Variants in DPP10 observed in about 807,000 individuals in gnomAD.
DPP10 encodes the protein dipeptidyl peptidase like 10.
DPP10 carries 33 observed loss-of-function variants against 120.9 expected under a neutral mutation model. The ratio of observed to expected loss-of-function variants is 0.27; its 90% CI spans 0.21 to 0.37. The LOEUF is 0.37. Ranked by LOEUF, DPP10 falls within the 10% of genes least tolerant of loss-of-function variation. The pLI is 1.00. For missense variants in DPP10, 816 were observed against 942.8 expected (o/e 0.87, Z 1.76); for synonymous variants, 337 against 326.1 (o/e 1.03, Z -0.36).
In DPP10 at chr2:115,692,992, C is replaced by A. The variant is rs1219243593; in HGVS notation, c.576+3071C>A. Among the ~76,000 whole-genome samples the A allele has an allele frequency of 2.6e-5, 4 of 152,050 alleles. No individual in the cohort carries two copies. The East Asian group carries it at 7.7e-4, about 29-fold the overall frequency. ...ATATTCAAAGAAATCCTACAAACAA[C>A]CCTGCATTCACTGTCCTTTCCACAC... On this transcript the variant is annotated intron_variant, in intron 7 of 25. Coordinates refer to ENST00000410059, the MANE Select transcript of DPP10 (RefSeq NM_020868.6).
chr2:115,786,867 A>C (rs1446604286), intron 17 of DPP10, among the ~76,000 whole-genome samples: 3 of 152,200 alleles, frequency 2.0e-5, no homozygotes, highest in African/African-American at 7.2e-5. Context: ...ATAGGGCTGG[A>C]AGAGGGATCA....
intron 1 of DPP10, among the ~76,000 whole-genome samples, chr2:114,899,636 C>G (rs1693372283): frequency 6.7e-6 from 1 of 148,178 alleles, no homozygotes; most frequent in African/African-American, 2.5e-5. Context: ...CTAATTTTTT[C>G]TTTAACTTAA....
chr2:114,532,017 G>A (rs1361082918), intron 1 of DPP10, among the ~76,000 whole-genome samples: 2 of 151,762 alleles, frequency 1.3e-5, no homozygotes, highest in African/African-American at 2.4e-5. Context: ...CTGAGGAAGG[G>A]AGAATTTGCT....
intron 1 of DPP10, among the ~76,000 whole-genome samples, chr2:115,303,132 C>A (rs568360164): frequency 6.6e-6 from 1 of 151,902 alleles, no homozygotes; most frequent in East Asian, 1.9e-4. Context: ...ACATTTATTT[C>A]TTTAAATTGA....
intron 1 of DPP10, among the ~76,000 whole-genome samples, chr2:114,575,896 C>T (rs562824294): frequency 6.6e-6 from 1 of 152,220 alleles, no homozygotes; most frequent in East Asian, 1.9e-4. Flanking sequence ...CTTATTCTGC[C>T]TCCAGACAAT....
At chr2:114,759,517 G>A (rs1680091757) in intron 1 of DPP10, among the ~76,000 whole-genome samples, 1 of 148,450 alleles carries the variant, frequency 6.7e-6, no homozygotes, top group African/African-American at 2.5e-5. Flanking sequence ...CCCTCCTGCT[G>A]TCTCTTGGTG....
intron 1 of DPP10, among the ~76,000 whole-genome samples, chr2:115,066,150 C>T (rs1265860265): frequency 6.6e-6 from 1 of 152,070 alleles, no homozygotes; most frequent in Non-Finnish European, 1.5e-5. Context: ...TTATCTTAGT[C>T]TTATCTAGAA....
chr2:115,414,661 T>G (rs930209553), intron 3 of DPP10, among the ~76,000 whole-genome samples: 3 of 152,166 alleles, frequency 2.0e-5, no homozygotes, highest in Admixed American at 6.5e-5. Flanking sequence ...TTGAGTAATA[T>G]CTGAAGTTGT....
intron 21 of DPP10, among the ~76,000 whole-genome samples, chr2:115,824,941 A>G (rs912889799): frequency 6.6e-6 from 1 of 152,146 alleles, no homozygotes; most frequent in Non-Finnish European, 1.5e-5. Flanking sequence ...TTACCTTCTA[A>G]ACCTATTACA....
Position 115,577,120 on chromosome 2 carries a change from G to T in DPP10, c.441+51148G>T, listed in dbSNP as rs541801152. Among the ~76,000 whole-genome samples, 19 of 152,254 alleles carry T rather than the reference G, an allele frequency of 1.2e-4. No homozygotes were observed. In the South Asian group the frequency reaches 3.3e-3, roughly 27 times the overall value. ...CTCTCTCTGTTCCTAAATGAATATG[G>T]CCAAGGCTGAGGAGGTTTCTACTTA... On this transcript the variant is annotated intron_variant, in intron 5 of 25. Transcript: ENST00000410059.
chr2:115,372,784 G>C (rs1295046099), intron 3 of DPP10, among the ~76,000 whole-genome samples: 1 of 152,210 alleles, frequency 6.6e-6, no homozygotes, highest in Non-Finnish European at 1.5e-5. Context: ...CCTGACAGCA[G>C]TATGGTGTAG....
intron 12 of DPP10, among the ~76,000 whole-genome samples, chr2:115,765,765 T>A (rs1366888955): frequency 2.6e-5 from 4 of 152,170 alleles, no homozygotes; most frequent in Admixed American, 2.6e-4. Flanking sequence ...TTATTGACTT[T>A]ATTATAGTTG....
chr2:115,106,475 T>C (rs1300517317), intron 1 of DPP10, among the ~76,000 whole-genome samples: 1 of 152,198 alleles, frequency 6.6e-6, no homozygotes, highest in African/African-American at 2.4e-5. Flanking sequence ...TTTTTGTTTA[T>C]TGAGACAGGG....
At chr2:115,408,700 A>T (rs1262837077) in intron 3 of DPP10, among the ~76,000 whole-genome samples, 1 of 152,182 alleles carries the variant, frequency 6.6e-6, no homozygotes, top group Admixed American at 6.5e-5. Flanking sequence ...TTGAAAATTA[A>T]TCATAAAGTT....
At chr2:115,778,982 T>C (rs1228758873) in intron 15 of DPP10, among the ~76,000 whole-genome samples, 2 of 152,136 alleles carry the variant, frequency 1.3e-5, no homozygotes, top group East Asian at 3.8e-4. Context: ...CTTATCTTTC[T>C]TGAAACATAC....
At chr2:115,398,091 A>G (rs1485494214) in intron 3 of DPP10, among the ~76,000 whole-genome samples, 2 of 152,130 alleles carry the variant, frequency 1.3e-5, no homozygotes, top group African/African-American at 2.4e-5. Context: ...TAATTTAAAG[A>G]CATATTCATG....
chr2:114,542,018 A>G (rs1284652886), intron 1 of DPP10, among the ~76,000 whole-genome samples: 1 of 149,436 alleles, frequency 6.7e-6, no homozygotes, highest in African/African-American at 2.5e-5. Flanking sequence ...TTGAATATAT[A>G]TACATACAGT....
At chr2:115,035,169 T>G (rs1174391330) in intron 1 of DPP10, among the ~76,000 whole-genome samples, 1 of 152,224 alleles carries the variant, frequency 6.6e-6, no homozygotes. Context: ...GCCTTCTCTT[T>G]CTGCCTGGAA....
intron 1 of DPP10, among the ~76,000 whole-genome samples, chr2:114,637,214 T>C (rs1695365868): frequency 6.6e-6 from 1 of 151,962 alleles, no homozygotes; most frequent in Admixed American, 6.6e-5. Flanking sequence ...CAGTATAATA[T>C]AAATAATTAT....
Sources: gnomAD v4.1 joint callset for allele counts (sites outside exome capture counted in the v4.1 genomes callset) on GRCh38, gnomAD v4.1.1 for gene constraint, MANE v1.5 for transcripts, NCBI Gene and HGNC (gene_info 2026-07-23, HGNC 2026-07-21) for gene names.